Variants in SRRM4 observed in about 807,000 individuals in gnomAD.
The protein encoded by SRRM4 is serine/arginine repetitive matrix 4.
In SRRM4, 33 loss-of-function variants were observed where a neutral mutation model predicts 68.9. The ratio of observed to expected loss-of-function variants is 0.48; its 90% confidence interval spans 0.36 to 0.64. The LOEUF is 0.64. Ranked by LOEUF, SRRM4 falls within the 30% of genes least tolerant of loss-of-function variation. SRRM4 has a pLI of 0.00. For missense variants in SRRM4, 817 were observed against 827.1 expected (o/e 0.99, Z 0.15); for synonymous variants, 318 against 318.8 (o/e 1.00, Z 0.03).
At chr12:119,105,837 T>G (rs77660785) in intron 2 of SRRM4, among the ~76,000 whole-genome samples, 43,816 of 152,070 alleles carry the variant, frequency 0.29, 7,047 homozygotes, top group African/African-American at 0.43. Flanking sequence ...TAGATCCCAT[T>G]TGTCAATTTT....
intron 1 of SRRM4, among the ~76,000 whole-genome samples, chr12:119,035,734 T>C (rs373139361): frequency 1.3e-5 from 2 of 152,310 alleles, no homozygotes. Context: ...TCCCCTCTAG[T>C]TACAGAGATG....
At chr12:119,021,051 T>C (rs1023495472) in intron 1 of SRRM4, among the ~76,000 whole-genome samples, 8 of 152,150 alleles carry the variant, frequency 5.3e-5, no homozygotes, top group Non-Finnish European at 1.0e-4. Context: ...TGAGCCTTAG[T>C]TTCCTCAAAA....
chr12:119,131,072 G>A (rs1211251009), intron 8 of SRRM4, among the ~76,000 whole-genome samples: 1 of 152,104 alleles, frequency 6.6e-6, no homozygotes, highest in Non-Finnish European at 1.5e-5. Context: ...TTTTATCAGG[G>A]GAATGTTGAC....
At chr12:119,015,229 G>T (rs933727013) in intron 1 of SRRM4, among the ~76,000 whole-genome samples, 1 of 152,076 alleles carries the variant, frequency 6.6e-6, no homozygotes, top group African/African-American at 2.4e-5. Context: ...CCGCCAGCAG[G>T]TCTATCACTT....
intron 9 of SRRM4, among the ~76,000 whole-genome samples, chr12:119,148,859 A>G (rs975433816): frequency 3.3e-5 from 5 of 152,186 alleles, no homozygotes; most frequent in Non-Finnish European, 7.3e-5. Flanking sequence ...TTATGAGCAG[A>G]GAGGGCTCAA....
chr12:119,060,625 C>T lies in SRRM4; in HGVS notation c.132-41611C>T, dbSNP rs541731190. ...TCTGTAATTTCTTTCACAAGACCCC[C>T]TCCCAAGTATGGCCCAAAAGAACAA... On this transcript the variant is annotated intron_variant, in intron 1 of 12. Transcript: ENST00000267260. Among the ~76,000 whole-genome samples the T allele has an allele frequency of 7.9e-5, 12 of 151,984 alleles. No individual in the cohort carries two copies. The East Asian group carries it at 1.9e-3, about 25-fold the overall frequency.
chr12:119,061,825 C>G (rs781541538), intron 1 of SRRM4, among the ~76,000 whole-genome samples: 1 of 151,886 alleles, frequency 6.6e-6, no homozygotes, highest in Non-Finnish European at 1.5e-5. Context: ...TCCCTGGCCT[C>G]GACACACTAG....
intron 1 of SRRM4, among the ~76,000 whole-genome samples, chr12:118,985,178 A>G (rs1953274008): frequency 6.6e-6 from 1 of 152,210 alleles, no homozygotes; most frequent in African/African-American, 2.4e-5. Flanking sequence ...GGACAACTAC[A>G]TTCAGATGAA....
Position 119,003,749 on chromosome 12 carries a change from C to T in SRRM4, c.131+21736C>T, listed in dbSNP as rs115273043. On this transcript the variant is annotated intron_variant, in intron 1 of 12. Transcript: ENST00000267260. ...CTTGAGGTCAGTCCTTTCCATGTAT[C>T]TCCTCCACCTTCATATCTCAGTGAA... 3.1e-3 allele frequency among the ~76,000 whole-genome samples: 474 copies of T among 152,160 alleles called. 4 individuals carry two copies. Among genetic ancestry groups the T allele is most frequent in the African/African-American group, 0.01 (424 of 41,588 alleles).
At chr12:119,142,116 G>A (rs898437815) in intron 8 of SRRM4, among the ~76,000 whole-genome samples, 1 of 152,176 alleles carries the variant, frequency 6.6e-6, no homozygotes, top group Non-Finnish European at 1.5e-5. Context: ...TGGGGGCCAG[G>A]GTGGGATGGT....
Position 119,100,489 on chromosome 12 carries a change from C to CA in SRRM4, c.132-1736dup, listed in dbSNP as rs550298668. Among the ~76,000 whole-genome samples, 998 of 143,432 alleles carry CA rather than the reference C, an allele frequency of 7.0e-3. 8 individuals carry two copies. The highest frequency in any genetic ancestry group is 0.022 in the African/African-American group (864 of 39,326). 94.1% of individuals were successfully genotyped at this position (143,432 alleles called of 152,430 possible). On this transcript the variant is annotated intron_variant, in intron 1 of 12. Transcript: ENST00000267260. ...TGGACAACACAGTGAGACTCTGCCTCAAAAAAAAAAATGTGTTACCATTCA... is the reference window on the plus strand; with the variant it reads ...TGGACAACACAGTGAGACTCTGCCTCAAAAAAAAAAAATGTGTTACCATTCA...
intron 9 of SRRM4, among the ~76,000 whole-genome samples, chr12:119,148,495 C>T (rs1204617012): frequency 3.3e-5 from 5 of 152,192 alleles, no homozygotes; most frequent in East Asian, 1.9e-4. Context: ...ACAATAATAA[C>T]GGCAGTTCAT....
intron 5 of SRRM4, 60 bp downstream of exon 5, chr12:119,120,336 C>A (rs1954211544): frequency 6.5e-7 from 1 of 1,542,102 alleles, no homozygotes; most frequent in Non-Finnish European, 8.8e-7. Flanking sequence ...CAGCTTGGGG[C>A]AGCTTCTAGG....
chr12:119,046,154 C>T (rs1953706262), intron 1 of SRRM4, among the ~76,000 whole-genome samples: 1 of 152,142 alleles, frequency 6.6e-6, no homozygotes, highest in South Asian at 2.1e-4. Flanking sequence ...GGCTGGTTTT[C>T]AGAACCTCTT....
rs1404750283 is a variant in SRRM4 at position 119,019,957 on chromosome 12, C to A, written c.131+37944C>A. 1.8e-3 allele frequency among the ~76,000 whole-genome samples: 151 copies of A among 84,330 alleles called. 7 individuals are homozygous for A. The highest frequency in any genetic ancestry group is 4.6e-3 in the African/African-American group (117 of 25,200). 55.3% of individuals were successfully genotyped at this position (84,330 alleles called of 152,430 possible). On this transcript the variant is annotated intron_variant, in intron 1 of 12. Coordinates refer to ENST00000267260, the MANE Select transcript of SRRM4 (RefSeq NM_194286.4). ...TGGACAGTTCCCCCCGCTCCCCCCC[C>A]CCCCAAAAAAAAATCACACACATGC...
chr12:119,069,121 G>T (rs978585576), intron 1 of SRRM4, among the ~76,000 whole-genome samples: 5 of 152,074 alleles, frequency 3.3e-5, no homozygotes, highest in Non-Finnish European at 7.4e-5. Context: ...TCAAGGTAAG[G>T]CAAAAATAGA....
chr12:119,045,433 G>A (rs898626826), intron 1 of SRRM4, among the ~76,000 whole-genome samples: 2 of 151,990 alleles, frequency 1.3e-5, no homozygotes, highest in Non-Finnish European at 2.9e-5. Context: ...GGAACTCCCA[G>A]GGCTTTGTCT....
At chr12:119,039,863 A>C (rs1304873564) in intron 1 of SRRM4, among the ~76,000 whole-genome samples, 1 of 152,124 alleles carries the variant, frequency 6.6e-6, no homozygotes, top group Non-Finnish European at 1.5e-5. Context: ...AGAGAGAGAG[A>C]GAGCTTTTCT....
intron 1 of SRRM4, among the ~76,000 whole-genome samples, chr12:118,997,250 G>A (rs1426934146): frequency 1.3e-5 from 2 of 152,208 alleles, no homozygotes; most frequent in African/African-American, 4.8e-5. Flanking sequence ...ACCAAATTTG[G>A]TAGGGATTTC....
Sources: allele counts gnomAD v4.1 joint callset (sites outside exome capture counted in the v4.1 genomes callset), GRCh38; gene constraint gnomAD v4.1.1; transcripts MANE v1.5; gene names NCBI Gene and HGNC (gene_info 2026-07-23, HGNC 2026-07-21).